The following SPDEF variants were observed in gnomAD, a reference collection of about 807,000 sequenced individuals.
SPDEF encodes SAM pointed domain containing ETS transcription factor, also known as SAM pointed domain-containing Ets transcription factor.
In SPDEF, 12 loss-of-function variants were observed where a neutral mutation model predicts 36.0. That is an observed-to-expected ratio of 0.33 (90% CI 0.21 to 0.54). The LOEUF (loss-of-function observed/expected upper bound fraction) is 0.54. Among genes scored for constraint, SPDEF ranks in the 20% least tolerant of loss-of-function variants. The pLI is 0.93. For missense variants in SPDEF, 388 were observed against 456.9 expected (o/e 0.85, Z 1.37); for synonymous variants, 205 against 193.0 (o/e 1.06, Z -0.51).
rs527463080 is a variant in SPDEF at position 34,546,803 on chromosome 6, C to T, written c.-29-2319G>A. 6.6e-5 allele frequency among the ~76,000 whole-genome samples: 10 copies of T among 151,624 alleles called. No homozygotes were observed. The South Asian group carries it at 1.9e-3, about 28-fold the overall frequency. On this transcript the variant is annotated intron_variant, in intron 1 of 5. Coordinates refer to ENST00000374037, the MANE Select transcript of SPDEF (RefSeq NM_012391.3). ...AGGGTGGGGTGGGGTGGGCAGAGAC[C>T]AAGGCGGGGCTGGGGATGTGGGGGA...
rs1261760079 is a variant in SPDEF, at chr6:34,544,760, T to A, written c.-29-276A>T. Among the ~76,000 whole-genome samples, 1 of 152,312 alleles carries A rather than the reference T, an allele frequency of 6.6e-6. No individual in the cohort carries two copies. The highest frequency in any genetic ancestry group is 2.1e-4 in the South Asian group (1 of 4,832). On this transcript the variant is annotated intron_variant, in intron 1 of 5. Transcript: ENST00000374037. This position sits in a 1 kb window ranked among gnomAD's most constrained non-coding sequence, Gnocchi z 4.4. ...GCTGGGAGCAGCAAAGCTCCACACATGTACTGTGCTTAAAACAGCCTTCTG... is the reference window on the plus strand; with the variant it reads ...GCTGGGAGCAGCAAAGCTCCACACAAGTACTGTGCTTAAAACAGCCTTCTG...
chr6:34,546,206 G>T lies in SPDEF; in HGVS notation c.-29-1722C>A, dbSNP rs187152317. ...TCACAGCCACTGAATCAGCAGCTCT[G>T]GGGGAGACTCCGCAGTCTGGTTTAA... is the stretch of plus-strand genomic sequence containing the variant. On this transcript the variant is annotated intron_variant, in intron 1 of 5. Coordinates refer to ENST00000374037, the MANE Select transcript of SPDEF (RefSeq NM_012391.3). Among the ~76,000 whole-genome samples the T allele has an allele frequency of 3.0e-4, 45 of 152,292 alleles. 1 individual carries two copies. The highest frequency in any genetic ancestry group is 8.9e-4 in the African/African-American group (37 of 41,552).
At chr6:34,551,944 T>C (rs575420647) in intron 1 of SPDEF, among the ~76,000 whole-genome samples, 17 of 152,304 alleles carry the variant, frequency 1.1e-4, no homozygotes, top group African/African-American at 4.1e-4. Flanking sequence ...CCTTCAGGGC[T>C]TTCCAGAAAT....
At chr6:34,554,782 C>T (rs1768130910) in intron 1 of SPDEF, among the ~76,000 whole-genome samples, 1 of 152,260 alleles carries the variant, frequency 6.6e-6, no homozygotes, top group Non-Finnish European at 1.5e-5. Flanking sequence ...CTCCCCATCC[C>T]TGCCCACCAG....
intron 1 of SPDEF, among the ~76,000 whole-genome samples, chr6:34,553,436 C>T (rs372138809): frequency 2.2e-4 from 34 of 151,968 alleles, no homozygotes; most frequent in African/African-American, 7.5e-4. Context: ...GGGTGGGGAC[C>T]AGGGGAGGGT....
intron 1 of SPDEF, among the ~76,000 whole-genome samples, chr6:34,553,428 G>T (rs537793138): frequency 6.4e-4 from 98 of 151,964 alleles, no homozygotes; most frequent in African/African-American, 2.1e-3. Context: ...CGGGGTGGGG[G>T]TGGGGACCAG....
intron 2 of SPDEF, 26 bp downstream of exon 2, chr6:34,543,994 G>C: frequency 6.3e-7 from 1 of 1,595,254 alleles, no homozygotes; most frequent in Non-Finnish European, 8.5e-7. Context: ...CCATCTTACG[G>C]AAGCAGGCAC....
rs1767911965 is a variant in SPDEF at position 34,544,559 on chromosome 6, T to C, written c.-29-75A>G. The C allele has an allele frequency of 8.1e-7, 1 of 1,232,918 alleles. No homozygotes were observed. The highest frequency in any genetic ancestry group is 1.1e-6 in the Non-Finnish European group (1 of 919,322). 76.4% of individuals were successfully genotyped at this position (1,232,918 alleles called of 1,614,324 possible). ...GGGGCCGCTAAGCTGGTTATGGGGA[T>C]GAGGGGCCCTGTGGACAGTGGGCTG... On this transcript the variant is annotated intron_variant, in intron 1 of 5. Coordinates refer to ENST00000374037, the MANE Select transcript of SPDEF (RefSeq NM_012391.3). This position sits in a 1 kb window ranked among gnomAD's most constrained non-coding sequence, Gnocchi z 4.4.
chr6:34,544,459 G>A lies in SPDEF; in HGVS notation c.-4C>T, dbSNP rs111242802. On this transcript the variant is annotated 5_prime_UTR_variant, in exon 2 of 6. Transcript: ENST00000374037. This position sits in a 1 kb window ranked among gnomAD's most constrained non-coding sequence, Gnocchi z 4.4. ...GACCCGGGCTGGCGCTGCCCATGCC[G>A]CTGCTGTTTGGGCTGGCGGCTGTGT... 1.3e-4 allele frequency: 201 copies of A among 1,534,290 alleles called. No individual in the cohort carries two copies. The highest frequency in any genetic ancestry group is 8.0e-5 in the Admixed American group (4 of 49,718).
chr6:34,542,906 AG>A (rs1197501747), intron 2 of SPDEF, among the ~76,000 whole-genome samples: 7 of 149,210 alleles, frequency 4.7e-5, no homozygotes, highest in South Asian at 2.1e-4. Flanking sequence ...AAAAAAAAAA[AG>A]AAGAGGCTGG....
At chr6:34,547,934 G>C (rs116840405) in intron 1 of SPDEF, among the ~76,000 whole-genome samples, 3 of 152,190 alleles carry the variant, frequency 2.0e-5, no homozygotes, top group Non-Finnish European at 4.4e-5. Flanking sequence ...GATCAGGGGT[G>C]GTGGGGAATG....
At chr6:34,547,109 G>C (rs1337146315) in intron 1 of SPDEF, among the ~76,000 whole-genome samples, 1 of 151,876 alleles carries the variant, frequency 6.6e-6, no homozygotes, top group Non-Finnish European at 1.5e-5. Flanking sequence ...AACACCCTGG[G>C]CGCCATGCCA....
At position 34,555,770 on chromosome 6, in the gene SPDEF, G is replaced by A. The variant is rs1181224852; in HGVS notation, c.-30+159C>T. Among the ~76,000 whole-genome samples the A allele has an allele frequency of 6.6e-6, 1 of 152,156 alleles. No individual in the cohort carries two copies. Among genetic ancestry groups the A allele is most frequent in the African/African-American group, 2.4e-5 (1 of 41,438 alleles). On this transcript the variant is annotated intron_variant, in intron 1 of 5. Transcript: ENST00000374037. The surrounding 1 kb of genome is among the most constrained non-coding windows in gnomAD (Gnocchi z 5.2). The stretch of plus-strand genomic sequence containing the variant: ...GCATGAGGAGGGGGCAAGGAATTCT[G>A]AGGGTAAAGGGATCCAGGTCACAGG...
At position 34,544,227 on chromosome 6, in the gene SPDEF, C is replaced by A. The variant is rs148387831; in HGVS notation, c.229G>T (p.Ala77Ser). The change falls in exon 2 of 6, where the codon GCC becomes TCC. Residue 77 changes from alanine to serine, a missense_variant. Physicochemically the swap from Ala to Ser is moderately conservative, Grantham distance 99. Coordinates refer to ENST00000374037, the MANE Select transcript of SPDEF (RefSeq NM_012391.3). This position sits in a 1 kb window ranked among gnomAD's most constrained non-coding sequence, Gnocchi z 4.4. ...YPEDSSWAAK[A>S]PGASSREEPP... The stretch of plus-strand genomic sequence containing the variant: ...TCCTCCCGACTGCTGGCCCCAGGGG[C>A]CTTGGCTGCCCAGCTGCTGTCCTCA... The A allele has an allele frequency of 8.6e-5, 139 of 1,613,858 alleles. 1 individual carries two copies. In the African/African-American group the frequency reaches 1.6e-3, roughly 18 times the overall value.
At chr6:34,540,936 CTG>C (rs750063420) in intron 3 of SPDEF, 46 bp downstream of exon 3, 1 of 1,571,524 alleles carries the variant, frequency 6.4e-7, no homozygotes, top group East Asian at 2.3e-5. Context: ...CATCCTGTCC[CTG>C]GCTTGGAGCC....
At position 34,551,928 on chromosome 6, in the gene SPDEF, G is replaced by A. The variant is rs149749969; in HGVS notation, c.-30+4001C>T. ...TTCCCACCATAGCAACTACAATTCC[G>A]CTCAACCTTCAGGGCTTTCCAGAAA... On this transcript the variant is annotated intron_variant, in intron 1 of 5. Transcript: ENST00000374037. Among the ~76,000 whole-genome samples, 403 of 152,210 alleles carry A rather than the reference G, an allele frequency of 2.6e-3. 5 individuals are homozygous for A. Among genetic ancestry groups the A allele is most frequent in the East Asian group, 9.5e-3 (49 of 5,170 alleles).
chr6:34,554,598 C>A (rs1423265113), intron 1 of SPDEF, among the ~76,000 whole-genome samples: 1 of 152,256 alleles, frequency 6.6e-6, no homozygotes, highest in African/African-American at 2.4e-5. Flanking sequence ...CACAGCCCCA[C>A]CTGCCTGGGA....
Position 34,544,465 on chromosome 6 carries a change from G to C in SPDEF, c.-10C>G. 6.5e-7 allele frequency: 1 copy of C among 1,529,246 alleles called. No individual in the cohort carries two copies. Among genetic ancestry groups the C allele is most frequent in the Non-Finnish European group, 8.8e-7 (1 of 1,139,644 alleles). The allele number at this position is 1,529,246 out of a possible 1,614,324, so 94.7% of individuals were successfully genotyped here. ...GGCTGGCGCTGCCCATGCCGCTGCT[G>C]TTTGGGCTGGCGGCTGTGTCTACGG... is the stretch of plus-strand genomic sequence containing the variant. On this transcript the variant is annotated 5_prime_UTR_variant, in exon 2 of 6. Coordinates refer to ENST00000374037, the MANE Select transcript of SPDEF (RefSeq NM_012391.3). The surrounding 1 kb of genome is among the most constrained non-coding windows in gnomAD (Gnocchi z 4.4).
intron 1 of SPDEF, among the ~76,000 whole-genome samples, chr6:34,549,170 A>G (rs1466882803): frequency 6.6e-6 from 1 of 151,980 alleles, no homozygotes; most frequent in Non-Finnish European, 1.5e-5. Context: ...ATTAAGCCAC[A>G]TGTCTGGATT....
Sources: allele counts gnomAD v4.1 joint callset (sites outside exome capture counted in the v4.1 genomes callset), GRCh38; gene constraint gnomAD v4.1.1; non-coding constraint Gnocchi (gnomAD v3.1); transcripts MANE v1.5; gene names NCBI Gene and HGNC (gene_info 2026-07-23, HGNC 2026-07-21).